KIAA0319L: variants seen among roughly 807,000 people sequenced by gnomAD.
The protein encoded by KIAA0319L is dyslexia-associated protein KIAA0319-like protein.
Under a neutral mutation model 120.1 loss-of-function variants are expected in KIAA0319L, and 55 were observed. That is an observed-to-expected ratio of 0.46 (90% confidence interval 0.37 to 0.57). The LOEUF (loss-of-function observed/expected upper bound fraction) is 0.57, where lower values mean the gene tolerates loss of function less well. Ranked by LOEUF, KIAA0319L falls within the 20% of genes least tolerant of loss-of-function variation. KIAA0319L has a pLI of 0.00. For missense variants in KIAA0319L, 1,049 were observed against 1,255.3 expected (o/e 0.84, Z 2.48); for synonymous variants, 398 against 471.9 (o/e 0.84, Z 2.03).
At chr1:35,530,894 C>T (rs1646340664) in intron 2 of KIAA0319L, among the ~76,000 whole-genome samples, 1 of 152,178 alleles carries the variant, frequency 6.6e-6, no homozygotes, top group African/African-American at 2.4e-5. Context: ...TTCTCAGTGG[C>T]TTAGGCTACA....
intron 2 of KIAA0319L, among the ~76,000 whole-genome samples, chr1:35,511,860 TC>T (rs547155413): frequency 1.1e-3 from 171 of 152,202 alleles, no homozygotes; most frequent in Non-Finnish European, 2.0e-3. Context: ...CATAGAAATA[TC>T]CCCCCTCATA....
chr1:35,510,420 T>C (rs1445301550), intron 2 of KIAA0319L: 2 of 149,376 alleles, frequency 1.3e-5, no homozygotes, highest in East Asian at 4.0e-4. Flanking sequence ...ACTCTGTCAC[T>C]GCAGAGCAAG....
Position 35,437,252 on chromosome 1 carries a change from T to C in KIAA0319L, c.2963-2171A>G, listed in dbSNP as rs1640866574. The stretch of plus-strand genomic sequence containing the variant: ...TGCAGCGCGGCACTTCTCCGGGCCA[T>C]CACCGCCCGTTTCTCCCCTCCTGCC... On this transcript the variant is annotated intron_variant, in intron 20 of 20. Transcript: ENST00000325722. This position sits in a 1 kb window ranked among gnomAD's most constrained non-coding sequence, Gnocchi z 4.1. 6.6e-6 allele frequency among the ~76,000 whole-genome samples: 1 copy of C among 152,172 alleles called. No homozygotes were observed. The highest frequency in any genetic ancestry group is 2.4e-5 in the African/African-American group (1 of 41,450).
At chr1:35,499,275 C>A (rs1368958743) in intron 3 of KIAA0319L, among the ~76,000 whole-genome samples, 3 of 137,912 alleles carry the variant, frequency 2.2e-5, no homozygotes, top group Non-Finnish European at 4.5e-5. Context: ...ATCTAGCTAA[C>A]CCCCAAAGTG....
chr1:35,505,128 C>T (rs991590348), intron 3 of KIAA0319L, among the ~76,000 whole-genome samples: 1 of 152,148 alleles, frequency 6.6e-6, no homozygotes, highest in Admixed American at 6.5e-5. Flanking sequence ...TTTACCCTCT[C>T]ATTACCCACA....
chr1:35,557,573 G>C (rs1648313071), upstream of KIAA0319L: 2 of 417,468 alleles, frequency 4.8e-6, no homozygotes, highest in South Asian at 1.7e-5. Flanking sequence ...TGGGCCCCCA[G>C]CCTCTCGCCG....
intron 5 of KIAA0319L, among the ~76,000 whole-genome samples, chr1:35,472,279 C>T (rs1003690244): frequency 7.9e-5 from 12 of 152,080 alleles, no homozygotes; most frequent in African/African-American, 1.4e-4. Context: ...TGAGGACAGT[C>T]GTTCGTTTGT....
chr1:35,495,952 C>A (rs1305613184), intron 3 of KIAA0319L, among the ~76,000 whole-genome samples: 1 of 149,342 alleles, frequency 6.7e-6, no homozygotes, highest in African/African-American at 2.5e-5. Flanking sequence ...ACCAAAACCA[C>A]AATGAGATTC....
At chr1:35,495,540 A>G (rs1232824707) in intron 3 of KIAA0319L, among the ~76,000 whole-genome samples, 1 of 152,218 alleles carries the variant, frequency 6.6e-6, no homozygotes, top group Non-Finnish European at 1.5e-5. Flanking sequence ...AAGATAAGTT[A>G]CAGACTGGGA....
chr1:35,442,445 C>T (rs895894367), intron 18 of KIAA0319L, 109 bp from the exon 19 acceptor site: 1 of 810,038 alleles, frequency 1.2e-6, no homozygotes, highest in Non-Finnish European at 2.2e-6. Context: ...ACAAGAATGC[C>T]TCAGGCTCCC....
chr1:35,480,931 T>C lies in KIAA0319L; in HGVS notation c.667-1719A>G, dbSNP rs188892288. Among the ~76,000 whole-genome samples, 12 of 152,332 alleles carry C rather than the reference T, an allele frequency of 7.9e-5. No individual in the cohort carries two copies. In the East Asian group the frequency reaches 2.1e-3, roughly 27 times the overall value. ...ATTTCTATCAGCCCCCAAAATTCAT[T>C]CATGCCCCTTTATAATAAATCCCTG... is the stretch of plus-strand genomic sequence containing the variant. On this transcript the variant is annotated intron_variant, in intron 3 of 20. Coordinates refer to ENST00000325722, the MANE Select transcript of KIAA0319L (RefSeq NM_024874.5).
intron 9 of KIAA0319L, among the ~76,000 whole-genome samples, 171 bp from the exon 10 acceptor site, chr1:35,456,412 G>A (rs1256783121): frequency 3.3e-5 from 5 of 152,168 alleles, no homozygotes; most frequent in South Asian, 4.1e-4. Context: ...ACTGACTGAA[G>A]TTTTATGATG....
Position 35,453,735 on chromosome 1 carries a change from G to A in KIAA0319L, c.1781-46C>T. The A allele has an allele frequency of 6.3e-7, 1 of 1,578,188 alleles. No homozygotes were observed. Among genetic ancestry groups the A allele is most frequent in the South Asian group, 1.1e-5 (1 of 87,682 alleles). ...GGTCAAAAGCAGCCAGTCCAGGTGG[G>A]AAAGGAGAGGAACCAATTGGGACAC... On this transcript the variant is annotated intron_variant, in intron 11 of 20. Coordinates refer to ENST00000325722, the MANE Select transcript of KIAA0319L (RefSeq NM_024874.5). The surrounding 1 kb of genome is among the most constrained non-coding windows in gnomAD (Gnocchi z 4.1).
At chr1:35,447,346 T>C (rs1641701836) in intron 16 of KIAA0319L, among the ~76,000 whole-genome samples, 1 of 151,442 alleles carries the variant, frequency 6.6e-6, no homozygotes, top group Non-Finnish European at 1.5e-5. Context: ...ACCCAAACTA[T>C]TAAAACTAAG....
intron 3 of KIAA0319L, among the ~76,000 whole-genome samples, chr1:35,505,541 A>G (rs140674587): frequency 6.6e-6 from 1 of 152,232 alleles, no homozygotes; most frequent in East Asian, 1.9e-4. Flanking sequence ...TTCATGTATC[A>G]GTCTCCACTA....
chr1:35,544,228 G>A (rs1417452993), intron 2 of KIAA0319L, among the ~76,000 whole-genome samples: 1 of 152,026 alleles, frequency 6.6e-6, no homozygotes, highest in Non-Finnish European at 1.5e-5. Context: ...AATTAGGCGA[G>A]CATGGCAGCA....
chr1:35,543,231 C>T (rs1646858851), intron 2 of KIAA0319L, among the ~76,000 whole-genome samples: 1 of 152,164 alleles, frequency 6.6e-6, no homozygotes, highest in Non-Finnish European at 1.5e-5. Context: ...AATCAAAAAC[C>T]TTGCATGGTT....
Position 35,554,501 on chromosome 1 carries a change from G to A in KIAA0319L, c.-10C>T. 2 of 1,601,284 alleles carry A rather than the reference G, an allele frequency of 1.2e-6. No homozygotes were observed. The highest frequency in any genetic ancestry group is 1.7e-6 in the Non-Finnish European group (2 of 1,175,874). On this transcript the variant is annotated 5_prime_UTR_variant, in exon 2 of 21. Transcript: ENST00000325722. ...CCAGCCTCTTCTCCATGGCCCTCCA[G>A]ACAGGCAGAACCAGTACACTAGAAG... is the stretch of plus-strand genomic sequence containing the variant.
chr1:35,543,209 G>C (rs1646857711), intron 2 of KIAA0319L, among the ~76,000 whole-genome samples: 1 of 152,196 alleles, frequency 6.6e-6, no homozygotes, highest in Non-Finnish European at 1.5e-5. Flanking sequence ...CTCAATGCTA[G>C]CTGAATTTTA....
Sources: allele counts gnomAD v4.1 joint callset (sites outside exome capture counted in the v4.1 genomes callset), GRCh38; gene constraint gnomAD v4.1.1; non-coding constraint Gnocchi (gnomAD v3.1); transcripts MANE v1.5; gene names NCBI Gene and HGNC (gene_info 2026-07-23, HGNC 2026-07-21).